The following PNMA6E variants were observed in gnomAD, a reference collection of about 807,000 sequenced individuals.
The protein encoded by PNMA6E is PNMA family member 6E.
For missense variants in PNMA6E, 78 were observed against 50.8 expected (o/e 1.53, Z -1.63); for synonymous variants, 43 against 17.1 (o/e 2.52, Z -3.74).
chrX:153,400,192 A>G (rs1363577603), intron 1 of PNMA6E, among the ~76,000 whole-genome samples: 5 of 111,169 alleles, frequency 4.5e-5, no homozygotes, highest in Non-Finnish European at 9.5e-5. Flanking sequence ...AACCACTGCA[A>G]CTCCTGTCGC....
intron 1 of PNMA6E, among the ~76,000 whole-genome samples, chrX:153,400,632 C>G (rs1469287144): frequency 1.9e-5 from 2 of 107,888 alleles, no homozygotes; most frequent in African/African-American, 6.8e-5. Context: ...CTGGTCGGCC[C>G]TCCACCGGGC....
chrX:153,399,980 A>G (rs1556970987), intron 1 of PNMA6E, among the ~76,000 whole-genome samples: 1 of 112,491 alleles, frequency 8.9e-6, no homozygotes, highest in Non-Finnish European at 1.9e-5. Context: ...TGACCCATGG[A>G]TTTCAAAATA....
the PNMA6E span, among the ~76,000 whole-genome samples, chrX:153,411,786 C>T: frequency 1.8e-5 from 2 of 112,275 alleles, no homozygotes; most frequent in Non-Finnish European, 3.8e-5. Flanking sequence ...TCGAGGGGGA[C>T]GAGGGAGCTG....
the PNMA6E span, among the ~76,000 whole-genome samples, chrX:153,410,626 C>A: frequency 8.9e-6 from 1 of 112,764 alleles, no homozygotes; most frequent in Non-Finnish European, 1.9e-5. Context: ...GGAGCGCAGG[C>A]TTGCCGAGGG....
chrX:153,408,987 A>T, the PNMA6E span, among the ~76,000 whole-genome samples: 413 of 112,038 alleles, frequency 3.7e-3, 5 homozygotes, highest in African/African-American at 0.013. Context: ...GTCACCCTGG[A>T]CCTCCCTGCT....
the PNMA6E span, among the ~76,000 whole-genome samples, chrX:153,408,948 GCTCA>G: frequency 1.1e-3 from 129 of 112,349 alleles, 2 homozygotes; most frequent in Non-Finnish European, 3.2e-4. Context: ...TCCCCAACTT[GCTCA>G]CTCACTTCCC....
upstream of PNMA6E, among the ~76,000 whole-genome samples, chrX:153,405,019 G>T (rs1342785882): frequency 8.9e-6 from 1 of 112,800 alleles, no homozygotes; most frequent in Non-Finnish European, 1.9e-5. Flanking sequence ...TGGGAGGGTT[G>T]GTCTGATAGG....
chrX:153,411,212 CA>C, the PNMA6E span, among the ~76,000 whole-genome samples: 6 of 112,666 alleles, frequency 5.3e-5, no homozygotes, highest in East Asian at 1.4e-3. Flanking sequence ...TAATAACGCC[CA>C]GGGGTCTAGC....
the PNMA6E span, among the ~76,000 whole-genome samples, chrX:153,409,415 A>G: frequency 8.9e-6 from 1 of 112,088 alleles, no homozygotes; most frequent in African/African-American, 3.3e-5. Flanking sequence ...GGGAGTGGAG[A>G]GGAGGAGAGA....
At chrX:153,408,228 A>G in the PNMA6E span, among the ~76,000 whole-genome samples, 1 of 112,807 alleles carries the variant, frequency 8.9e-6, no homozygotes, top group Admixed American at 9.2e-5. Flanking sequence ...ACATTCAGGA[A>G]CCGGAGCCAC....
chrX:153,399,364 G>A (rs2088833942), intron 1 of PNMA6E, among the ~76,000 whole-genome samples: 1 of 109,568 alleles, frequency 9.1e-6, no homozygotes, highest in African/African-American at 3.3e-5. Context: ...TTTGTTTTTT[G>A]AGACAGGGTC....
chrX:153,404,723 C>T (rs2088869365), upstream of PNMA6E, among the ~76,000 whole-genome samples: 1 of 111,855 alleles, frequency 8.9e-6, no homozygotes, highest in African/African-American at 3.3e-5. Context: ...AGTGTACAGG[C>T]CAAATACGGG....
In PNMA6E at chrX:153,398,810, C is replaced by G; in HGVS notation, c.40G>C (p.Gly14Arg). Residue 14 changes from glycine to arginine, a missense_variant, in exon 2 of 2, where the codon GGT (glycine) becomes CGT (arginine). By Grantham distance (125) the Gly-to-Arg change is moderately radical. Transcript: ENST00000445091. ...AGCAGGGAGCGCTCTGCGTTCGCAC[C>G]CATCCACCTGCACCAGTCCCGAAGC... ...AMLRDWCRWMGANAERSLLIL... is the reference protein window; with the variant it reads ...AMLRDWCRWMRANAERSLLIL... 3.3e-6 allele frequency: 1 copy of G among 301,741 alleles called. No individual in the cohort carries two copies. The highest frequency in any genetic ancestry group is 2.7e-5 in the African/African-American group (1 of 37,101). 24.9% of individuals were successfully genotyped at this position (301,741 alleles called of 1,213,427 possible).
chrX:153,413,179 G>A, the PNMA6E span, among the ~76,000 whole-genome samples: 1 of 110,216 alleles, frequency 9.1e-6, no homozygotes, highest in Non-Finnish European at 1.9e-5. Flanking sequence ...TGCTGTGGAT[G>A]AAAAAGCCCA....
Position 153,398,858 on chromosome X carries a change from A to G in PNMA6E, c.-9T>C, listed in dbSNP as rs2088830053. On this transcript the variant is annotated 5_prime_UTR_variant, in exon 2 of 2. Coordinates refer to ENST00000445091, the MANE Select transcript of PNMA6E (RefSeq NM_001367770.1). The stretch of plus-strand genomic sequence containing the variant: ...AGCATCGCCAGAGCCATCGCAGAGG[A>G]CTTGAGGGAGGGAGCCTGATCAATC... 1.0e-5 allele frequency: 3 copies of G among 299,500 alleles called. No individual in the cohort carries two copies. In the East Asian group the frequency reaches 1.4e-4, roughly 14 times the overall value. 24.7% of individuals were successfully genotyped at this position (299,500 alleles called of 1,213,427 possible).
In PNMA6E at chrX:153,396,193, T is replaced by C. The variant is rs1243225439; in HGVS notation, c.*713A>G. On this transcript the variant is annotated 3_prime_UTR_variant, in exon 2 of 2. Transcript: ENST00000445091. Reference sequence around the variant, plus strand: ...CTGGGGGTCTCCGGGGAGAGGCTGCTCAGAGAAGAACACACGCAGCTCCAC... The same window carrying C: ...CTGGGGGTCTCCGGGGAGAGGCTGCCCAGAGAAGAACACACGCAGCTCCAC... 3.3e-5 allele frequency: 4 copies of C among 122,293 alleles called. No homozygotes were observed. Among genetic ancestry groups the C allele is most frequent in the Non-Finnish European group, 7.5e-5 (4 of 53,072 alleles). 10.1% of individuals were successfully genotyped at this position (122,293 alleles called of 1,213,427 possible).
At chrX:153,403,485 C>T (rs1221794305), upstream of PNMA6E, among the ~76,000 whole-genome samples, 1 of 112,033 alleles carries the variant, frequency 8.9e-6, no homozygotes, top group African/African-American at 3.2e-5. Flanking sequence ...CTGGGTTTAT[C>T]GGGACATTAA....
At chrX:153,411,491 G>GC in the PNMA6E span, among the ~76,000 whole-genome samples, 4 of 111,724 alleles carry the variant, frequency 3.6e-5, no homozygotes, top group Non-Finnish European at 5.7e-5. Context: ...CGGCCCGCTC[G>GC]TCGGCGCACC....
At chrX:153,404,330 G>A (rs1469334214), upstream of PNMA6E, among the ~76,000 whole-genome samples, 1 of 111,223 alleles carries the variant, frequency 9.0e-6, no homozygotes, top group Non-Finnish European at 1.9e-5. Context: ...CATCTCAGAG[G>A]TTGGATTCTC....
Sources: gnomAD v4.1 joint callset for allele counts (sites outside exome capture counted in the v4.1 genomes callset) on GRCh38, gnomAD v4.1.1 for gene constraint, MANE v1.5 for transcripts, NCBI Gene and HGNC (gene_info 2026-07-23, HGNC 2026-07-21) for gene names.